The following CAPN13 variants were observed in gnomAD, a reference collection of about 807,000 sequenced individuals.
The protein encoded by CAPN13 is calpain 13.
CAPN13 carries 90 observed loss-of-function variants against 98.4 expected under a neutral mutation model. The ratio of observed to expected loss-of-function variants is 0.92; its 90% CI spans 0.77 to 1.09. CAPN13 has a LOEUF of 1.09. Among genes scored for constraint, CAPN13 ranks in the 50% least tolerant of loss-of-function variants. The pLI is 0.00. For missense variants in CAPN13, 887 were observed against 841.3 expected (o/e 1.05, Z -0.67); for synonymous variants, 330 against 305.5 (o/e 1.08, Z -0.84).
intron 7 of CAPN13, among the ~76,000 whole-genome samples, chr2:30,760,348 A>G (rs953000834): frequency 6.6e-6 from 1 of 152,226 alleles, no homozygotes; most frequent in African/African-American, 2.4e-5. Context: ...GAGCCCATGG[A>G]GCAGGGACAC....
At chr2:30,806,671 A>G (rs1040394469) in intron 1 of CAPN13, among the ~76,000 whole-genome samples, 1 of 152,230 alleles carries the variant, frequency 6.6e-6, no homozygotes, top group African/African-American at 2.4e-5. Flanking sequence ...TGAGAACAGC[A>G]TCACATCTCA....
intron 7 of CAPN13, among the ~76,000 whole-genome samples, chr2:30,758,724 T>C (rs1047680823): frequency 2.7e-5 from 4 of 150,278 alleles, no homozygotes; most frequent in African/African-American, 4.9e-5. Flanking sequence ...TGAGAGAATA[T>C]GGCCAACAAT....
At chr2:30,767,165 C>G (rs535510060) in intron 5 of CAPN13, among the ~76,000 whole-genome samples, 1 of 152,214 alleles carries the variant, frequency 6.6e-6, no homozygotes, top group South Asian at 2.1e-4. Flanking sequence ...CATTTCACCT[C>G]GCTGAGCCTC....
chr2:30,779,585 C>T (rs1199937383), intron 2 of CAPN13, among the ~76,000 whole-genome samples: 1 of 152,086 alleles, frequency 6.6e-6, no homozygotes, highest in Non-Finnish European at 1.5e-5. Context: ...AATATTGATC[C>T]CCCTCTTTTG....
At chr2:30,787,042 G>A in intron 2 of CAPN13, 86 bp downstream of exon 2, 1 of 1,053,190 alleles carries the variant, frequency 9.5e-7, no homozygotes. Flanking sequence ...AGTTTGGTTT[G>A]GCTCCACCTC....
In CAPN13 at chr2:30,775,868, TC is replaced by T. The variant is rs1472433354; in HGVS notation, c.387+61del. On this transcript the variant is annotated intron_variant, in intron 4 of 22. Coordinates refer to ENST00000295055, the MANE Select transcript of CAPN13 (RefSeq NM_144575.3). ...CCGGCCACGAGAAAACTTAAGACTTTCACCTTCCCTGTACTCACAGAGAACC... is the reference window on the plus strand; with the variant it reads ...CCGGCCACGAGAAAACTTAAGACTTTACCTTCCCTGTACTCACAGAGAACC... The T allele has an allele frequency of 2.1e-5, 26 of 1,216,710 alleles. No homozygotes were observed. The Admixed American group carries it at 3.6e-4, about 17-fold the overall frequency. 75.4% of individuals were successfully genotyped at this position (1,216,710 alleles called of 1,614,324 possible).
chr2:30,753,814 G>T (rs531862733), intron 9 of CAPN13, among the ~76,000 whole-genome samples: 1 of 152,244 alleles, frequency 6.6e-6, no homozygotes, highest in Admixed American at 6.5e-5. Flanking sequence ...TGAGCATATG[G>T]CCGAGAACGT....
chr2:30,750,018 T>C (rs72867135), intron 11 of CAPN13, among the ~76,000 whole-genome samples: 3,745 of 152,338 alleles, frequency 0.025, 160 homozygotes, highest in African/African-American at 0.085. Context: ...TGACTGTGCA[T>C]TGCAGCACTG....
At chr2:30,777,673 G>A (rs1558332059) in intron 2 of CAPN13, 34 bp from the exon 3 acceptor site, 8 of 1,490,210 alleles carry the variant, frequency 5.4e-6, no homozygotes, top group Middle Eastern at 1.7e-4. Context: ...TATGAACATC[G>A]TTTATTCCTT....
chr2:30,754,428 G>A, intron 8 of CAPN13, 64 bp from the exon 9 acceptor site: 1 of 1,353,590 alleles, frequency 7.4e-7, no homozygotes, highest in African/African-American at 1.5e-5. Flanking sequence ...AACCATGTGT[G>A]GGTCAACAGG....
At chr2:30,741,580 G>A (rs1174681823) in intron 15 of CAPN13, 2 of 1,088,860 alleles carry the variant, frequency 1.8e-6, no homozygotes, top group Non-Finnish European at 2.2e-6. Flanking sequence ...GGCCGAGTAG[G>A]AGAAGGAAAG....
chr2:30,789,205 A>T (rs1558342201), intron 1 of CAPN13, among the ~76,000 whole-genome samples: 2 of 152,214 alleles, frequency 1.3e-5, no homozygotes, highest in Admixed American at 1.3e-4. Context: ...ATAGAAATTG[A>T]TTGTCAATTC....
chr2:30,754,467 G>T (rs1428484290), intron 8 of CAPN13, 103 bp from the exon 9 acceptor site: 3 of 894,518 alleles, frequency 3.4e-6, no homozygotes, highest in African/African-American at 3.5e-5. Context: ...CCATTCCTGG[G>T]GAGCACAGGG....
At chr2:30,736,431 G>C in intron 18 of CAPN13, 72 bp downstream of exon 18, 1 of 1,455,810 alleles carries the variant, frequency 6.9e-7, no homozygotes, top group African/African-American at 1.4e-5. Context: ...CCCTGGTGCA[G>C]GGTTAGACAC....
rs1162221397 is a variant in CAPN13 at position 30,742,232 on chromosome 2, G to C, written c.1479+94C>G. On this transcript the variant is annotated intron_variant, in intron 14 of 22. Coordinates refer to ENST00000295055, the MANE Select transcript of CAPN13 (RefSeq NM_144575.3). ...CATGGTGTCTCTCTTTTCATTGGTT[G>C]GGGGCAGCGGGAGGTGTAAAGAAGG... is the stretch of plus-strand genomic sequence containing the variant. 4 of 1,390,084 alleles carry C rather than the reference G, an allele frequency of 2.9e-6. No individual in the cohort carries two copies. The African/African-American group carries it at 5.7e-5, about 20-fold the overall frequency. The allele number at this position is 1,390,084 out of a possible 1,614,324, so 86.1% of individuals were successfully genotyped here.
rs369599094 is a variant in CAPN13 at position 30,788,267 on chromosome 2, A to T, written c.-32-910T>A. ...AAGCTATGAATCTCATAGGTTTGTT[A>T]TGATATTAAATAAGTTTTGACCTAA... On this transcript the variant is annotated intron_variant, in intron 1 of 22. Coordinates refer to ENST00000295055, the MANE Select transcript of CAPN13 (RefSeq NM_144575.3). Among the ~76,000 whole-genome samples, 15 of 152,292 alleles carry T rather than the reference A, an allele frequency of 9.8e-5. No homozygotes were observed. The South Asian group carries it at 2.9e-3, about 29-fold the overall frequency.
At chr2:30,768,678 TTTCCTTCC>T (rs4021142) in intron 5 of CAPN13, among the ~76,000 whole-genome samples, 80 of 149,294 alleles carry the variant, frequency 5.4e-4, no homozygotes, top group Admixed American at 2.1e-3. Flanking sequence ...AACTTTCTTT[TTTCCTTCC>T]TTCCTTCCTT....
chr2:30,732,607 G>A (rs1490859302), intron 19 of CAPN13, 41 bp from the exon 20 acceptor site: 2 of 1,583,172 alleles, frequency 1.3e-6, no homozygotes, highest in East Asian at 2.3e-5. Context: ...GGAGGCTAGG[G>A]CTCGGGGGTT....
chr2:30,726,347 G>A (rs1558602271), intron 22 of CAPN13, among the ~76,000 whole-genome samples: 2 of 152,170 alleles, frequency 1.3e-5, no homozygotes, highest in African/African-American at 4.8e-5. Context: ...TGTCTGCTTT[G>A]TACACTTCTA....
Sources: gnomAD v4.1 joint callset for allele counts (sites outside exome capture counted in the v4.1 genomes callset) on GRCh38, gnomAD v4.1.1 for gene constraint, MANE v1.5 for transcripts, NCBI Gene and HGNC (gene_info 2026-07-23, HGNC 2026-07-21) for gene names.